The following PTCH1 variants were observed in gnomAD, a reference collection of about 807,000 sequenced individuals.
PTCH1 encodes patched 1.
PTCH1 carries 14 observed loss-of-function variants against 144.6 expected under a neutral mutation model. The ratio of observed to expected loss-of-function variants is 0.10; its 90% CI spans 0.06 to 0.15. The LOEUF (loss-of-function observed/expected upper bound fraction) is 0.15, where lower values mean the gene tolerates loss of function less well. Ranked by LOEUF, PTCH1 falls within the 10% of genes least tolerant of loss-of-function variation. PTCH1 has a pLI of 1.00. For synonymous variants in PTCH1, 833 were observed against 793.6 expected (o/e 1.05, Z -0.83); for missense variants, 1,623 against 1,948.3 (o/e 0.83, Z 3.14).
intron 2 of PTCH1, among the ~76,000 whole-genome samples, chr9:95,493,207 C>T (rs373960627): frequency 9.2e-5 from 14 of 152,296 alleles, no homozygotes; most frequent in African/African-American, 2.2e-4. Context: ...TCCCTCATCA[C>T]GCTTCCCTGC....
intron 12 of PTCH1, among the ~76,000 whole-genome samples, chr9:95,471,021 T>C (rs1840521160): frequency 6.6e-6 from 1 of 151,498 alleles, no homozygotes; most frequent in Non-Finnish European, 1.5e-5. Context: ...AGATGGAGGT[T>C]GCAGTGAGCC....
chr9:95,496,216 CT>C (rs1250996360), intron 2 of PTCH1, among the ~76,000 whole-genome samples: 3 of 152,184 alleles, frequency 2.0e-5, no homozygotes, highest in African/African-American at 7.2e-5. Flanking sequence ...TGCTAATCAC[CT>C]GTCTAACTCG....
chr9:95,446,746 C>T, intron 23 of PTCH1, 165 bp downstream of exon 23: 1 of 870,754 alleles, frequency 1.1e-6, no homozygotes, highest in South Asian at 1.6e-5. Flanking sequence ...GATGACAAAG[C>T]TTGGACACAT....
intron 22 of PTCH1, among the ~76,000 whole-genome samples, chr9:95,447,693 C>A (rs1046303647): frequency 6.6e-6 from 1 of 152,226 alleles, no homozygotes; most frequent in Non-Finnish European, 1.5e-5. Context: ...TGGACACGTA[C>A]TGCTGCTGCC....
At chr9:95,453,963 C>T (rs1047127221) in intron 19 of PTCH1, among the ~76,000 whole-genome samples, 11 of 152,368 alleles carry the variant, frequency 7.2e-5, no homozygotes, top group African/African-American at 2.6e-4. Context: ...ACCTCCAATT[C>T]CCACAGCACA....
chr9:95,507,571 G>A (rs1389167023), intron 1 of PTCH1: 4 of 442,694 alleles, frequency 9.0e-6, no homozygotes, highest in Admixed American at 6.4e-5. Flanking sequence ...GGAAAACGGG[G>A]GGGATATCTT....
At chr9:95,516,543 T>G in exon 1 of PTCH1, 2 of 1,540,540 alleles carry the variant, frequency 1.3e-6, no homozygotes, top group African/African-American at 1.4e-5. Flanking sequence ...TTCACATCAA[T>G]TCCTTTTTTT....
Position 95,458,131 on chromosome 9 carries a change from A to T in PTCH1, c.3050T>A (p.Phe1017Tyr). ...GCGGAGGCCGATGTACTGCTCCCAG[A>T]AGAGGAAGGGGTAGCCGTTGGGGTA... ...SSYPNGYPFL[F>Y]WEQYIGLRHW... The change falls in exon 18 of 24, where the codon TTC (phenylalanine) becomes TAC (tyrosine). Residue 1017 changes from phenylalanine to tyrosine, a missense_variant. Transcript: ENST00000331920. The surrounding 1 kb of genome is among the most constrained non-coding windows in gnomAD (Gnocchi z 4.7). The T allele has an allele frequency of 1.9e-6, 3 of 1,614,208 alleles. No homozygotes were observed. In the South Asian group the frequency reaches 3.3e-5, roughly 18 times the overall value.
At chr9:95,507,837 CTTGAGGTGGTCCGCCGTGGACGGCT>C in intron 1 of PTCH1, 5 of 995,056 alleles carry the variant, frequency 5.0e-6, no homozygotes, top group Non-Finnish European at 6.6e-6. Context: ...CGCGGCCGCC[CTTGAGGTGGTCCGCCGTGGACGGCT>C]TTCCAGTGCT....
At chr9:95,515,279 C>T (rs1564097550) in intron 1 of PTCH1, among the ~76,000 whole-genome samples, 1 of 152,166 alleles carries the variant, frequency 6.6e-6, no homozygotes, top group Non-Finnish European at 1.5e-5. Context: ...CCTCAGTGAT[C>T]CAATTATCAA....
Position 95,479,135 on chromosome 9 carries a change from C to T in PTCH1, c.1080G>A (p.Leu360=), listed in dbSNP as rs2066839. 113 of 1,613,946 alleles carry T rather than the reference C, an allele frequency of 7.0e-5. No individual in the cohort carries two copies. In the African/African-American group the frequency reaches 1.5e-3, roughly 21 times the overall value. The change falls in exon 8 of 24, where the codon CTG becomes CTA. Residue 360 remains leucine, a synonymous_variant. Transcript: ENST00000331920. The part of the protein sequence containing the change: ...STGKLVSAHA[L]QTMFQLMTPK... ...GAGTCATTAACTGGAACATGGTCTG[C>T]AGGGCATGGGCGCTGCAGCACAGTC...
At position 95,476,870 on chromosome 9, in the gene PTCH1, CAG is replaced by C. The variant is rs1564049035; in HGVS notation, c.1504-15_1504-14del. On this transcript the variant is annotated splice_polypyrimidine_tract_variant and intron_variant, in intron 10 of 23. Coordinates refer to ENST00000331920, the MANE Select transcript of PTCH1 (RefSeq NM_000264.5). The surrounding 1 kb of genome is among the most constrained non-coding windows in gnomAD (Gnocchi z 4.6). ...GAAATGGCAAAACCTACAGCAAAAACAGAGGATGGTGGCATTAGACATGCGAG... is the reference window on the plus strand; with the variant it reads ...GAAATGGCAAAACCTACAGCAAAAACAGGATGGTGGCATTAGACATGCGAG... 4 of 1,611,510 alleles carry C rather than the reference CAG, an allele frequency of 2.5e-6. No individual in the cohort carries two copies. The highest frequency in any genetic ancestry group is 3.4e-6 in the Non-Finnish European group (4 of 1,178,048).
chr9:95,483,243 G>C (rs1193575645), intron 3 of PTCH1: 1 of 151,120 alleles, frequency 6.6e-6, no homozygotes, highest in African/African-American at 2.4e-5. Flanking sequence ...CTCCAGCCTA[G>C]ATAAGCAAGA....
At chr9:95,448,247 G>A (rs1362478500) in intron 22 of PTCH1, among the ~76,000 whole-genome samples, 4 of 152,210 alleles carry the variant, frequency 2.6e-5, no homozygotes, top group Non-Finnish European at 5.9e-5. Flanking sequence ...GGGGGTAGGA[G>A]GAGGACAATT....
intron 12 of PTCH1, chr9:95,474,076 C>T (rs992388849): frequency 1.6e-5 from 8 of 502,832 alleles, no homozygotes; most frequent in South Asian, 5.9e-5. Context: ...CCTCATGTAG[C>T]TTTTCAGACC....
intron 15 of PTCH1, among the ~76,000 whole-genome samples, chr9:95,463,281 C>T (rs1335246448): frequency 4.0e-5 from 6 of 151,850 alleles, no homozygotes; most frequent in Non-Finnish European, 7.4e-5. Context: ...AAGCGAAACC[C>T]TCCTTCTGAC....
chr9:95,469,937 A>G lies in PTCH1; in HGVS notation c.1729-6T>C, dbSNP rs1418470766. 1 of 1,609,354 alleles carries G rather than the reference A, an allele frequency of 6.2e-7. No individual in the cohort carries two copies. The highest frequency in any genetic ancestry group is 2.2e-5 in the East Asian group (1 of 44,858). ...AACACCACTACTACCGCTGCCTGGG[A>G]GCAGAAAAAAAATTCAGAGGTCACC... On this transcript the variant is annotated splice_region_variant and splice_polypyrimidine_tract_variant and intron_variant, in intron 12 of 23. Transcript: ENST00000331920.
chr9:95,473,789 G>A (rs1415373394), intron 12 of PTCH1, among the ~76,000 whole-genome samples: 1 of 152,074 alleles, frequency 6.6e-6, no homozygotes, highest in Non-Finnish European at 1.5e-5. Context: ...TGATCCACCC[G>A]TCTCGGCCTC....
chr9:95,463,716 C>A (rs942272299), intron 15 of PTCH1, among the ~76,000 whole-genome samples: 2 of 152,036 alleles, frequency 1.3e-5, no homozygotes, highest in South Asian at 4.2e-4. Context: ...AAGGGACAGC[C>A]CCGTTAGAGT....
Sources: gnomAD v4.1 joint callset for allele counts (sites outside exome capture counted in the v4.1 genomes callset) on GRCh38, gnomAD v4.1.1 for gene constraint, Gnocchi (gnomAD v3.1) non-coding constraint, MANE v1.5 for transcripts, NCBI Gene and HGNC (gene_info 2026-07-23, HGNC 2026-07-21) for gene names.